MTUS2: variants seen among roughly 807,000 people sequenced by gnomAD.
The protein encoded by MTUS2 is microtubule associated scaffold protein 2, also known as microtubule-associated tumor suppressor candidate 2.
Under a neutral mutation model 114.1 loss-of-function variants are expected in MTUS2, and 40 were observed. The ratio of observed to expected loss-of-function variants is 0.35; its 90% confidence interval spans 0.27 to 0.46. MTUS2 has a LOEUF of 0.46. Ranked by LOEUF, MTUS2 falls within the 20% of genes least tolerant of loss-of-function variation. MTUS2 has a pLI of 1.00. For missense variants in MTUS2, 1,679 were observed against 1,705.4 expected, an observed-to-expected ratio of 0.98 and a Z score of 0.27; for synonymous variants, 688 against 672.0, an observed-to-expected ratio of 1.02 and a Z score of -0.37.
rs1408342851 is a variant in MTUS2 at position 29,496,309 on chromosome 13, G to A, written c.3580-929G>A. On this transcript the variant is annotated intron_variant, in intron 12 of 15. Transcript: ENST00000612955. The surrounding 1 kb of genome is among the most constrained non-coding windows in gnomAD (Gnocchi z 4.3). ...GCTGGGAGCGCCAGTCTGGCCACGG[G>A]GCAGGTCTGAGCAGGGAGGAGGAGA... The A allele has an allele frequency of 6.5e-6, 1 of 152,838 alleles. No homozygotes were observed. The highest frequency in any genetic ancestry group is 1.5e-5 in the Non-Finnish European group (1 of 68,456). 9.5% of individuals were successfully genotyped at this position (152,838 alleles called of 1,614,324 possible).
chr13:29,439,196 C>T (rs538920889), intron 8 of MTUS2, among the ~76,000 whole-genome samples: 1 of 152,292 alleles, frequency 6.6e-6, no homozygotes, highest in East Asian at 1.9e-4. Context: ...TATAGCACAT[C>T]TTTTCTGGTA....
chr13:29,040,362 C>T (rs1338509997), intron 4 of MTUS2, among the ~76,000 whole-genome samples: 5 of 152,152 alleles, frequency 3.3e-5, no homozygotes, highest in African/African-American at 9.7e-5. Context: ...TTTATTCACT[C>T]GTTAATTGAT....
At chr13:28,992,721 A>C (rs1314223507) in intron 2 of MTUS2, among the ~76,000 whole-genome samples, 2 of 151,844 alleles carry the variant, frequency 1.3e-5, no homozygotes, top group African/African-American at 4.8e-5. Context: ...CATATTTAAA[A>C]TTTTCTTTTT....
chr13:29,025,344 C>G lies in MTUS2; in HGVS notation c.646C>G (p.Pro216Ala). The G allele has an allele frequency of 6.2e-7, 1 of 1,613,754 alleles. No individual in the cohort carries two copies. The highest frequency in any genetic ancestry group is 8.5e-7 in the Non-Finnish European group (1 of 1,179,846). The change falls in exon 3 of 16, where the codon CCA (proline) becomes GCA (alanine). Residue 216 changes from proline (P) to alanine (A), a missense_variant. By Grantham distance (27) the Pro-to-Ala change is conservative. Around this residue, in one of 3 missense-constraint regions of MTUS2, gnomAD observed 843 missense variants for 770.8 expected, o/e 1.09. Transcript: ENST00000612955. ...TCAGATACCTGGGGGTGGGGAGGGG[C>G]CACAGAAGACATTGCCAGACCACGC... ...RGQIPGGGEG[P>A]QKTLPDHAVP...
At chr13:29,007,374 C>A (rs1566287266) in intron 2 of MTUS2, among the ~76,000 whole-genome samples, 2 of 152,130 alleles carry the variant, frequency 1.3e-5, no homozygotes, top group Admixed American at 6.5e-5. Flanking sequence ...CTTCTGATAC[C>A]CAGGTCCACC....
chr13:29,484,658 G>A (rs1314691527), intron 10 of MTUS2, among the ~76,000 whole-genome samples: 1 of 152,136 alleles, frequency 6.6e-6, no homozygotes, highest in Non-Finnish European at 1.5e-5. Context: ...GGAGAGAGTG[G>A]GCCTGGGCAG....
At chr13:29,121,798 AG>A (rs1891322267) in intron 5 of MTUS2, among the ~76,000 whole-genome samples, 2 of 152,058 alleles carry the variant, frequency 1.3e-5, no homozygotes, top group South Asian at 4.1e-4. Flanking sequence ...GTGGGGTTAC[AG>A]GCATGTACCA....
intron 2 of MTUS2, among the ~76,000 whole-genome samples, chr13:28,891,935 T>C (rs1422536040): frequency 6.8e-6 from 1 of 147,824 alleles, no homozygotes; most frequent in Non-Finnish European, 1.5e-5. Flanking sequence ...TTCCCTGATA[T>C]ACTCTATTTG....
chr13:29,418,532 C>T (rs773263280), intron 8 of MTUS2, among the ~76,000 whole-genome samples: 13 of 152,192 alleles, frequency 8.5e-5, no homozygotes, highest in Admixed American at 7.2e-4. Context: ...AGCCAACTTC[C>T]GTAGTTCTGC....
intron 9 of MTUS2, among the ~76,000 whole-genome samples, chr13:29,461,207 G>C (rs1275271765): frequency 6.6e-6 from 1 of 151,908 alleles, no homozygotes; most frequent in Admixed American, 6.6e-5. Context: ...AGAAGGGAAG[G>C]GGGGGTGAAC....
At chr13:28,912,675 C>G (rs1880510655) in intron 2 of MTUS2, among the ~76,000 whole-genome samples, 1 of 151,942 alleles carries the variant, frequency 6.6e-6, no homozygotes, top group Non-Finnish European at 1.5e-5. Context: ...TGTTTGTGTC[C>G]TCTCTGATTT....
intron 5 of MTUS2, among the ~76,000 whole-genome samples, chr13:29,281,334 A>G (rs1898257020): frequency 6.6e-6 from 1 of 152,132 alleles, no homozygotes; most frequent in Non-Finnish European, 1.5e-5. Context: ...ATTCTGAGTT[A>G]TCAAATAAGT....
intron 6 of MTUS2, among the ~76,000 whole-genome samples, chr13:29,324,374 A>T (rs184081625): frequency 3.3e-5 from 5 of 152,160 alleles, no homozygotes; most frequent in Admixed American, 3.3e-4. Flanking sequence ...TTTTCATCAA[A>T]TCAGAGACAG....
intron 4 of MTUS2, among the ~76,000 whole-genome samples, chr13:29,090,220 C>G (rs1889876820): frequency 6.6e-6 from 1 of 152,176 alleles, no homozygotes; most frequent in Non-Finnish European, 1.5e-5. Flanking sequence ...TACTCCTGGG[C>G]TGCATGCTCT....
intron 2 of MTUS2, among the ~76,000 whole-genome samples, chr13:28,913,920 T>G (rs182976585): frequency 1.5e-4 from 23 of 152,280 alleles, no homozygotes; most frequent in Non-Finnish European, 1.3e-4. Context: ...GTTTATAGTA[T>G]TCTCTGATGG....
intron 9 of MTUS2, among the ~76,000 whole-genome samples, chr13:29,468,824 A>T (rs1286827024): frequency 6.6e-6 from 1 of 152,196 alleles, no homozygotes; most frequent in Non-Finnish European, 1.5e-5. Flanking sequence ...ACTCATACAG[A>T]TGCCAGGCAT....
intron 7 of MTUS2, among the ~76,000 whole-genome samples, chr13:29,332,523 A>ATT (rs34417840): frequency 2.2e-4 from 33 of 147,180 alleles, no homozygotes; most frequent in Non-Finnish European, 2.8e-4. Flanking sequence ...GGATTCATTG[A>ATT]TTTTTTTGAA....
chr13:29,020,763 A>G (rs1886258797), intron 2 of MTUS2, among the ~76,000 whole-genome samples: 1 of 151,846 alleles, frequency 6.6e-6, no homozygotes, highest in Non-Finnish European at 1.5e-5. Flanking sequence ...TGCTTTCTAA[A>G]TGTGTCCCAG....
At chr13:29,287,898 A>G (rs1898556653) in intron 6 of MTUS2, among the ~76,000 whole-genome samples, 1 of 152,140 alleles carries the variant, frequency 6.6e-6, no homozygotes, top group African/African-American at 2.4e-5. Flanking sequence ...GATGGCGGAG[A>G]AGCACAGAGA....
Sources: allele counts gnomAD v4.1 joint callset (sites outside exome capture counted in the v4.1 genomes callset), GRCh38; gene constraint gnomAD v4.1.1; regional missense constraint gnomAD v4.1.1; non-coding constraint Gnocchi (gnomAD v3.1); transcripts MANE v1.5; gene names NCBI Gene and HGNC (gene_info 2026-07-23, HGNC 2026-07-21).